Variants in CPNE4 observed in about 807,000 individuals in gnomAD.
The protein encoded by CPNE4 is copine 4, also known as copine-4.
In CPNE4, 25 loss-of-function variants were observed where a neutral mutation model predicts 67.9. That is an observed-to-expected ratio of 0.37 (90% CI 0.27 to 0.51). CPNE4 has a LOEUF of 0.51. Ranked by LOEUF, CPNE4 falls within the 20% of genes least tolerant of loss-of-function variation. The pLI is 0.93. For synonymous variants in CPNE4, 242 were observed against 244.9 expected (o/e 0.99, Z 0.11); for missense variants, 464 against 690.8 (o/e 0.67, Z 3.68).
At chr3:131,913,216 G>A (rs2089050578) in intron 1 of CPNE4, among the ~76,000 whole-genome samples, 1 of 152,186 alleles carries the variant, frequency 6.6e-6, no homozygotes, top group Non-Finnish European at 1.5e-5. Flanking sequence ...ATTAGTCACA[G>A]CCAGTGCCAG....
At chr3:131,963,872 T>G (rs2072259454) in intron 1 of CPNE4, among the ~76,000 whole-genome samples, 1 of 152,226 alleles carries the variant, frequency 6.6e-6, no homozygotes, top group African/African-American at 2.4e-5. Flanking sequence ...AGCAAAGCTC[T>G]GCTAAGGGAC....
chr3:131,682,694 T>C (rs1306010723), intron 6 of CPNE4, among the ~76,000 whole-genome samples: 2 of 151,990 alleles, frequency 1.3e-5, no homozygotes, highest in Non-Finnish European at 2.9e-5. Context: ...GATGGCAAAG[T>C]CAGCCAGGCT....
intron 7 of CPNE4, among the ~76,000 whole-genome samples, chr3:131,627,155 T>C (rs188542311): frequency 1.7e-5 from 2 of 119,628 alleles, no homozygotes; most frequent in Non-Finnish European, 3.1e-5. Flanking sequence ...ATTGTGCCAC[T>C]GCACTCCAGC....
intron 2 of CPNE4, among the ~76,000 whole-genome samples, chr3:131,845,484 T>A (rs2085961253): frequency 6.6e-6 from 1 of 152,218 alleles, no homozygotes; most frequent in Non-Finnish European, 1.5e-5. Flanking sequence ...ACCCATTTAA[T>A]CATAGTCAAA....
intron 1 of CPNE4, among the ~76,000 whole-genome samples, chr3:131,951,854 T>C (rs1390576327): frequency 1.3e-5 from 2 of 152,158 alleles, no homozygotes; most frequent in Non-Finnish European, 2.9e-5. Flanking sequence ...CGGAGTCTCG[T>C]TCACTCAGTG....
rs2089004801 is a variant in CPNE4, at chr3:131,912,198, TTTAAG to T, written c.-1-6759_-1-6755del. Among the ~76,000 whole-genome samples, 3 of 152,294 alleles carry T rather than the reference TTTAAG, an allele frequency of 2.0e-5. 1 individual carries two copies. In the South Asian group the frequency reaches 6.2e-4, roughly 32 times the overall value. On this transcript the variant is annotated intron_variant, in intron 1 of 15. Transcript: ENST00000429747. ...TATAATTGTCCTTTCACTGAGATAA[TTTAAG>T]TTATTAAAAACTACCACTTCAGCAT... is the stretch of plus-strand genomic sequence containing the variant.
At chr3:131,950,233 G>A (rs1225019) in intron 1 of CPNE4, among the ~76,000 whole-genome samples, 80,419 of 151,984 alleles carry the variant, frequency 0.53, 22,339 homozygotes, top group Admixed American at 0.68. Context: ...CATATATATT[G>A]TTGATGCATT....
chr3:131,673,582 C>G lies in CPNE4; in HGVS notation c.592-3818G>C, dbSNP rs576262136. Among the ~76,000 whole-genome samples, 57 of 151,700 alleles carry G rather than the reference C, an allele frequency of 3.8e-4. 1 individual carries two copies. Among genetic ancestry groups the G allele is most frequent in the Non-Finnish European group, 6.5e-4 (44 of 67,776 alleles). On this transcript the variant is annotated intron_variant, in intron 6 of 15. Transcript: ENST00000429747. ...GTAAGTGAATTCCTTTTATTTGTAG[C>G]TATTATAAATGGGATTATTTTCATG...
intron 1 of CPNE4, among the ~76,000 whole-genome samples, chr3:131,936,870 G>GA (rs2107844143): frequency 6.6e-6 from 1 of 150,602 alleles, no homozygotes; most frequent in South Asian, 2.1e-4. Context: ...AGCAGGAAGG[G>GA]AAAAAACCAG....
chr3:131,721,092 C>G (rs1441187694), intron 3 of CPNE4, among the ~76,000 whole-genome samples: 1 of 152,196 alleles, frequency 6.6e-6, no homozygotes, highest in Non-Finnish European at 1.5e-5. Context: ...TGTAACAAAG[C>G]TTATGATAAT....
Position 131,881,825 on chromosome 3 carries a change from G to A in CPNE4, c.180+23439C>T, listed in dbSNP as rs1818486. 8.9e-4 allele frequency among the ~76,000 whole-genome samples: 135 copies of A among 152,228 alleles called. 4 individuals are homozygous for A. In the South Asian group the frequency reaches 0.023, roughly 26 times the overall value. ...ACGTAAGAGAGGGAAACAGCCTTCC[G>A]CAGTTGTGGTGAAGTGGTCAAATTT... On this transcript the variant is annotated intron_variant, in intron 2 of 15. Transcript: ENST00000429747.
At chr3:131,952,160 G>T (rs886149414) in intron 1 of CPNE4, among the ~76,000 whole-genome samples, 4 of 149,826 alleles carry the variant, frequency 2.7e-5, no homozygotes, top group Admixed American at 2.0e-4. Context: ...GAAGTGAGGA[G>T]CATCTCTGCC....
chr3:131,679,384 G>A (rs2080675756), intron 6 of CPNE4, among the ~76,000 whole-genome samples: 2 of 151,612 alleles, frequency 1.3e-5, no homozygotes. Context: ...ACCTGCTCCT[G>A]GATTCATCAA....
At chr3:131,662,678 A>G (rs1199718720) in intron 7 of CPNE4, among the ~76,000 whole-genome samples, 1 of 152,256 alleles carries the variant, frequency 6.6e-6, no homozygotes, top group African/African-American at 2.4e-5. Context: ...TTCTCCAAAG[A>G]AGACATTTAT....
chr3:131,925,707 G>C (rs957477031), intron 1 of CPNE4: 1 of 152,180 alleles, frequency 6.6e-6, no homozygotes, highest in Non-Finnish European at 1.5e-5. Flanking sequence ...ATGTGTAAAT[G>C]CCTCGAATTC....
chr3:131,706,503 C>A (rs1020563699), intron 3 of CPNE4, among the ~76,000 whole-genome samples: 53 of 152,120 alleles, frequency 3.5e-4, no homozygotes, highest in South Asian at 8.3e-4. Flanking sequence ...AAATTCTAAG[C>A]CCCCTGACCA....
At chr3:131,633,765 TA>T (rs200408362) in intron 7 of CPNE4, among the ~76,000 whole-genome samples, 4,266 of 151,560 alleles carry the variant, frequency 0.028, 185 homozygotes, top group African/African-American at 0.095. Flanking sequence ...GTAACTTTTT[TA>T]TTTTTAAAAA....
chr3:131,583,180 T>C (rs1242575844), intron 8 of CPNE4, among the ~76,000 whole-genome samples: 12 of 152,186 alleles, frequency 7.9e-5, no homozygotes, highest in Non-Finnish European at 1.3e-4. Flanking sequence ...CCTAGCCTTG[T>C]TTTTGTCATT....
chr3:131,792,177 C>T (rs1259966014), intron 2 of CPNE4, among the ~76,000 whole-genome samples: 1 of 151,838 alleles, frequency 6.6e-6, no homozygotes, highest in Non-Finnish European at 1.5e-5. Context: ...TTTATTCTTG[C>T]CCCCCTCTCA....
Sources: gnomAD v4.1 joint callset for allele counts (sites outside exome capture counted in the v4.1 genomes callset) on GRCh38, gnomAD v4.1.1 for gene constraint, MANE v1.5 for transcripts, NCBI Gene and HGNC (gene_info 2026-07-23, HGNC 2026-07-21) for gene names.